The following SLC25A48 variants were observed in gnomAD, a reference collection of about 807,000 sequenced individuals.
The protein encoded by SLC25A48 is CTC-321K16.1.
SLC25A48 carries 29 observed loss-of-function variants against 32.2 expected under a neutral mutation model. The observed-to-expected ratio is 0.90, with a 90% CI of 0.67 to 1.23. The LOEUF (loss-of-function observed/expected upper bound fraction) is 1.23, where lower values mean the gene tolerates loss of function less well. Among genes scored for constraint, SLC25A48 ranks in the 50% most tolerant of loss-of-function variants. SLC25A48 has a pLI of 0.00. For synonymous variants in SLC25A48, 164 were observed against 172.3 expected (o/e 0.95, Z 0.38); for missense variants, 399 against 422.7 (o/e 0.94, Z 0.49).
chr5:135,601,806 G>A (rs181067254), intron 1 of SLC25A48, among the ~76,000 whole-genome samples: 18 of 152,228 alleles, frequency 1.2e-4, no homozygotes, highest in Admixed American at 2.6e-4. Context: ...GGGAGGTCAC[G>A]TGTGCAAGCT....
intron 3 of SLC25A48, among the ~76,000 whole-genome samples, chr5:135,700,552 C>G (rs945475030): frequency 2.0e-5 from 3 of 152,170 alleles, no homozygotes; most frequent in Admixed American, 6.5e-5. Flanking sequence ...GGAGAGGCCC[C>G]CACGGGCAGA....
intron 4 of SLC25A48, among the ~76,000 whole-genome samples, chr5:135,870,839 G>C (rs1034793124): frequency 4.6e-5 from 7 of 151,726 alleles, no homozygotes; most frequent in Non-Finnish European, 1.0e-4. Context: ...ATGCTGCCTT[G>C]CCAAGGTAAA....
chr5:135,724,335 C>A (rs1274155062), intron 3 of SLC25A48, among the ~76,000 whole-genome samples: 1 of 152,238 alleles, frequency 6.6e-6, no homozygotes, highest in Non-Finnish European at 1.5e-5. Context: ...TCTAATGGCT[C>A]TTAAATGTCA....
At chr5:135,725,022 A>G (rs1216924164) in intron 3 of SLC25A48, among the ~76,000 whole-genome samples, 3 of 152,264 alleles carry the variant, frequency 2.0e-5, no homozygotes, top group Non-Finnish European at 4.4e-5. Context: ...TAAAAGGAAA[A>G]GGCTTTTTGC....
chr5:135,630,386 A>C (rs772989545), intron 2 of SLC25A48, among the ~76,000 whole-genome samples: 4 of 152,190 alleles, frequency 2.6e-5, no homozygotes, highest in African/African-American at 4.8e-5. Flanking sequence ...GAAAACTGCC[A>C]TAGCTAAGCT....
At chr5:135,709,554 T>C (rs1754603559) in intron 3 of SLC25A48, among the ~76,000 whole-genome samples, 1 of 152,228 alleles carries the variant, frequency 6.6e-6, no homozygotes, top group South Asian at 2.1e-4. Context: ...AAGCTAACTC[T>C]GGTGCTTTTG....
chr5:135,720,660 G>A (rs1336803549), intron 3 of SLC25A48, among the ~76,000 whole-genome samples: 1 of 152,180 alleles, frequency 6.6e-6, no homozygotes, highest in Non-Finnish European at 1.5e-5. Flanking sequence ...GCAAAATCGT[G>A]GTGGATCCTG....
At chr5:135,827,956 G>C (rs190949349) in intron 4 of SLC25A48, among the ~76,000 whole-genome samples, 217 of 152,320 alleles carry the variant, frequency 1.4e-3, no homozygotes, top group Non-Finnish European at 1.9e-3. Context: ...CTCTCTCCTT[G>C]TGCAGCCCAA....
intron 1 of SLC25A48, 70 bp downstream of exon 1, chr5:135,834,963 G>A: frequency 6.5e-7 from 1 of 1,536,030 alleles, no homozygotes. Flanking sequence ...TATGCTCTGA[G>A]GAAACTTTGC....
chr5:135,886,675 AG>A (rs1561567971), intron 7 of SLC25A48, among the ~76,000 whole-genome samples: 3 of 47,344 alleles, frequency 6.3e-5, no homozygotes, highest in African/African-American at 3.9e-4. Context: ...TGTGTGTGTG[AG>A]AGAGAGAGAG....
At chr5:135,778,006 G>T (rs1235689762) in intron 3 of SLC25A48, among the ~76,000 whole-genome samples, 1 of 149,796 alleles carries the variant, frequency 6.7e-6, no homozygotes, top group Non-Finnish European at 1.5e-5. Context: ...CTGTGATATT[G>T]TTTCTAATAT....
intron 1 of SLC25A48, among the ~76,000 whole-genome samples, chr5:135,594,311 A>G (rs1312820285): frequency 6.6e-6 from 1 of 152,262 alleles, no homozygotes; most frequent in East Asian, 1.9e-4. Flanking sequence ...ATACTTAAGT[A>G]GAACCAGAGG....
intron 3 of SLC25A48, among the ~76,000 whole-genome samples, chr5:135,636,719 C>T (rs1277421523): frequency 6.6e-6 from 1 of 152,234 alleles, no homozygotes; most frequent in Non-Finnish European, 1.5e-5. Context: ...GAAACATCAT[C>T]TGTAGCAACT....
chr5:135,692,145 A>T (rs11959304), intron 3 of SLC25A48, among the ~76,000 whole-genome samples: 7 of 151,936 alleles, frequency 4.6e-5, no homozygotes, highest in African/African-American at 1.2e-4. Flanking sequence ...GTGAAACCCC[A>T]TCTCTACTAA....
chr5:135,689,096 C>T (rs917212161), intron 3 of SLC25A48, among the ~76,000 whole-genome samples: 1 of 152,190 alleles, frequency 6.6e-6, no homozygotes, highest in African/African-American at 2.4e-5. Context: ...GTCTGTGAGC[C>T]TAACCACTAT....
intron 1 of SLC25A48, 112 bp from the exon 2 acceptor site, chr5:135,842,302 CTA>C: frequency 9.1e-7 from 1 of 1,096,682 alleles, no homozygotes; most frequent in South Asian, 1.3e-5. Flanking sequence ...CCCACTCCCC[CTA>C]CCCCAGCAAT....
At chr5:135,808,198 A>G (rs1312549736) in intron 3 of SLC25A48, among the ~76,000 whole-genome samples, 2 of 150,584 alleles carry the variant, frequency 1.3e-5, no homozygotes, top group Non-Finnish European at 3.0e-5. Flanking sequence ...TATAAATATT[A>G]TAGATATTTT....
At chr5:135,671,633 C>G (rs1561784078) in intron 3 of SLC25A48, 1 of 152,160 alleles carries the variant, frequency 6.6e-6, no homozygotes, top group Non-Finnish European at 1.5e-5. Context: ...GAATCTGACA[C>G]TTTCTCACTT....
At chr5:135,795,673 G>A (rs754747863) in intron 3 of SLC25A48, among the ~76,000 whole-genome samples, 2 of 151,586 alleles carry the variant, frequency 1.3e-5, no homozygotes, top group Non-Finnish European at 2.9e-5. Flanking sequence ...TATTCAGGGG[G>A]GTAGAGGGTG....
Sources: allele counts gnomAD v4.1 joint callset (sites outside exome capture counted in the v4.1 genomes callset), GRCh38; gene constraint gnomAD v4.1.1; transcripts MANE v1.5; gene names NCBI Gene and HGNC (gene_info 2026-07-23, HGNC 2026-07-21).